KIAA1217: variants seen among roughly 807,000 people sequenced by gnomAD.
KIAA1217 encodes sickle tail protein homolog.
In KIAA1217, 88 loss-of-function variants were observed where a neutral mutation model predicts 163.9. The observed-to-expected ratio is 0.54, with a 90% CI of 0.45 to 0.64. The LOEUF (loss-of-function observed/expected upper bound fraction) is 0.64, where lower values mean the gene tolerates loss of function less well. KIAA1217 is among the 30% of genes least tolerant of loss of function. The pLI, the probability that KIAA1217 is intolerant of heterozygous loss-of-function variation, is 0.00. For missense variants in KIAA1217, 2,372 were observed against 2,475.0 expected (o/e 0.96, Z 0.88); for synonymous variants, 903 against 923.1 (o/e 0.98, Z 0.39).
chr10:24,128,308 A>G (rs1490813272), intron 2 of KIAA1217, among the ~76,000 whole-genome samples: 2 of 152,210 alleles, frequency 1.3e-5, no homozygotes, highest in African/African-American at 4.8e-5. Context: ...CAGGAGGAGG[A>G]TGCAAGGGTC....
intron 1 of KIAA1217, among the ~76,000 whole-genome samples, chr10:23,824,658 A>AAAATTATATAT (rs1837805755): frequency 1.9e-5 from 1 of 53,040 alleles, no homozygotes; most frequent in African/African-American, 6.5e-5. Flanking sequence ...AAATAAAAAA[A>AAAATTATATAT]ATATATATAT....
intron 2 of KIAA1217, among the ~76,000 whole-genome samples, chr10:24,049,016 G>GTGAT (rs1849276856): frequency 8.3e-6 from 1 of 119,854 alleles, no homozygotes; most frequent in Non-Finnish European, 1.7e-5. Context: ...GGGCGACAGA[G>GTGAT]TGATACTCTG....
chr10:23,858,516 G>A (rs1438466099), intron 1 of KIAA1217, among the ~76,000 whole-genome samples: 1 of 151,576 alleles, frequency 6.6e-6, no homozygotes, highest in African/African-American at 2.4e-5. Context: ...TAGAGCAGTT[G>A]TATACACATG....
At position 24,422,901 on chromosome 10, in the gene KIAA1217, C is replaced by CTTTTTTTTTTTTTTTTTTTTTTTT. The variant is rs58161228; in HGVS notation, c.554-10073_554-10072insTTTTTTTTTTTTTTTTTTTTTTTT. 1.2e-4 allele frequency among the ~76,000 whole-genome samples: 15 copies of CTTTTTTTTTTTTTTTTTTTTTTTT among 120,602 alleles called. 1 individual carries two copies. Among genetic ancestry groups the CTTTTTTTTTTTTTTTTTTTTTTTT allele is most frequent in the East Asian group, 2.5e-4 (1 of 3,968 alleles). The allele number at this position is 120,602 out of a possible 152,430, so 79.1% of individuals were successfully genotyped here. A position where few individuals can be genotyped will look rare whatever the true frequency, so the allele number is the denominator to read the frequency against. ...CTCATATTACTTCCTATAGATTTAACTTTTTTTTTTTTTTTTTTTTTGAGA... is the reference window on the plus strand; with the variant it reads ...CTCATATTACTTCCTATAGATTTAACTTTTTTTTTTTTTTTTTTTTTTTTTTTTTTTTTTTTTTTTTTTTTGAGA... On this transcript the variant is annotated intron_variant, in intron 3 of 20. Transcript: ENST00000376454.
Position 23,732,157 on chromosome 10 carries a change from A to G in KIAA1217, c.-321+36923A>G, listed in dbSNP as rs117240196. Among the ~76,000 whole-genome samples the G allele has an allele frequency of 8.2e-3, 1,252 of 152,190 alleles. 10 individuals carry two copies. Among genetic ancestry groups the G allele is most frequent in the Non-Finnish European group, 0.013 (900 of 68,000 alleles). ...GTATTTTCTGAAAGAGATTGTAAAG[A>G]GCTCGTGTAATTTCTTCTTTAAATG... On this transcript the variant is annotated intron_variant, in intron 1 of 18. Transcript: ENST00000376462.
chr10:24,136,373 T>A (rs1399488832), intron 2 of KIAA1217, among the ~76,000 whole-genome samples: 1 of 152,264 alleles, frequency 6.6e-6, no homozygotes, highest in East Asian at 1.9e-4. Context: ...AAATTCTAGT[T>A]GAGATTATTA....
At position 23,995,169 on chromosome 10, in the gene KIAA1217, A is replaced by G. The variant is rs145645684; in HGVS notation, c.-320-12056A>G. On this transcript the variant is annotated intron_variant, in intron 1 of 18. Coordinates refer to the KIAA1217 transcript ENST00000376462. The stretch of plus-strand genomic sequence containing the variant: ...GCATTGCCCTGGGAACTAGGAGTAC[A>G]GGGGTGGCTCTGTTCCTCGGGGAGA... Among the ~76,000 whole-genome samples the G allele has an allele frequency of 1.2e-3, 178 of 152,236 alleles. 1 individual carries two copies. The highest frequency in any genetic ancestry group is 3.9e-3 in the African/African-American group (164 of 41,548).
chr10:23,736,839 G>A, intron 1 of KIAA1217, among the ~76,000 whole-genome samples: 1 of 151,986 alleles, frequency 6.6e-6, no homozygotes, highest in South Asian at 2.1e-4. Flanking sequence ...AATAAGTTTT[G>A]AGAGCTGTTG....
At chr10:23,970,838 T>A (rs10828582) in intron 1 of KIAA1217, among the ~76,000 whole-genome samples, 34,102 of 152,148 alleles carry the variant, frequency 0.22, 3,911 homozygotes, top group Middle Eastern at 0.3. Flanking sequence ...TCAGCAGCGG[T>A]AAGTCTGTAC....
At chr10:24,039,205 A>T (rs1319500511) in intron 2 of KIAA1217, among the ~76,000 whole-genome samples, 1 of 152,000 alleles carries the variant, frequency 6.6e-6, no homozygotes, top group East Asian at 1.9e-4. Context: ...TGGCCTAAAG[A>T]CAGCTGCCCT....
intron 1 of KIAA1217, among the ~76,000 whole-genome samples, chr10:24,004,137 G>T (rs1387770928): frequency 6.6e-6 from 1 of 151,768 alleles, no homozygotes; most frequent in African/African-American, 2.4e-5. Context: ...ACACCACCAC[G>T]CCTGGCTAAT....
intron 2 of KIAA1217, among the ~76,000 whole-genome samples, chr10:24,043,204 A>G (rs546285887): frequency 2.0e-5 from 3 of 152,206 alleles, no homozygotes; most frequent in African/African-American, 7.2e-5. Context: ...CAAGAACTAC[A>G]TATTAAAACA....
At chr10:23,868,416 C>A (rs144570501) in intron 1 of KIAA1217, among the ~76,000 whole-genome samples, 26 of 152,192 alleles carry the variant, frequency 1.7e-4, no homozygotes, top group Middle Eastern at 6.8e-3. Flanking sequence ...GTGCCCAGGG[C>A]TCTAAGAAAG....
At chr10:24,068,479 G>A (rs753618988) in intron 2 of KIAA1217, among the ~76,000 whole-genome samples, 5 of 151,966 alleles carry the variant, frequency 3.3e-5, no homozygotes, top group Admixed American at 6.6e-5. Flanking sequence ...TTGGTTTCTC[G>A]AATTTTATCT....
chr10:23,981,892 T>C (rs1845781075), intron 1 of KIAA1217, among the ~76,000 whole-genome samples: 1 of 152,002 alleles, frequency 6.6e-6, no homozygotes, highest in Admixed American at 6.6e-5. Context: ...TACAGCTGAG[T>C]TCACCAGGGC....
intron 1 of KIAA1217, among the ~76,000 whole-genome samples, chr10:23,819,637 A>T (rs1837527606): frequency 6.6e-6 from 1 of 152,242 alleles, no homozygotes; most frequent in South Asian, 2.1e-4. Context: ...TAGGAAAATC[A>T]TCAAGCAAAA....
At chr10:23,826,866 C>T (rs901630114) in intron 1 of KIAA1217, among the ~76,000 whole-genome samples, 2 of 152,178 alleles carry the variant, frequency 1.3e-5, no homozygotes, top group Admixed American at 6.5e-5. Context: ...TCTGGTCCAA[C>T]TCACTCATGG....
chr10:24,135,049 CT>C (rs2063783850), intron 2 of KIAA1217, among the ~76,000 whole-genome samples: 1 of 152,124 alleles, frequency 6.6e-6, no homozygotes, highest in Non-Finnish European at 1.5e-5. Flanking sequence ...GGAGAAGTTC[CT>C]TTTCTGACAG....
At chr10:23,830,296 T>C (rs1838117292) in intron 1 of KIAA1217, among the ~76,000 whole-genome samples, 1 of 152,188 alleles carries the variant, frequency 6.6e-6, no homozygotes, top group African/African-American at 2.4e-5. Flanking sequence ...ATAAACACAG[T>C]CCTTCGTTGA....
Sources: gnomAD v4.1 joint callset for allele counts (sites outside exome capture counted in the v4.1 genomes callset) on GRCh38, gnomAD v4.1.1 for gene constraint, MANE v1.5 for transcripts, NCBI Gene and HGNC (gene_info 2026-07-23, HGNC 2026-07-21) for gene names.